Variants in TANGO6 observed in about 807,000 individuals in gnomAD.
The protein encoded by TANGO6 is transport and Golgi organization protein 6 homolog.
Under a neutral mutation model 114.2 loss-of-function variants are expected in TANGO6, and 90 were observed. The observed-to-expected ratio is 0.79, with a 90% CI of 0.66 to 0.94. The LOEUF (loss-of-function observed/expected upper bound fraction) is 0.94, where lower values mean the gene tolerates loss of function less well. Ranked by LOEUF, TANGO6 falls within the 40% of genes least tolerant of loss-of-function variation. The pLI is 0.00. For missense variants in TANGO6, 1,274 were observed against 1,315.3 expected (o/e 0.97, Z 0.49); for synonymous variants, 477 against 509.8 (o/e 0.94, Z 0.87).
chr16:68,881,733 G>T (rs1318313925), intron 7 of TANGO6, among the ~76,000 whole-genome samples: 1 of 152,084 alleles, frequency 6.6e-6, no homozygotes, highest in Non-Finnish European at 1.5e-5. Context: ...TGAAAACTAA[G>T]AATCTAAATG....
rs75098958 is a variant in TANGO6, at chr16:68,904,278, G to A, written c.1667+1774G>A. On this transcript the variant is annotated intron_variant, in intron 9 of 17. Coordinates refer to ENST00000261778, the MANE Select transcript of TANGO6 (RefSeq NM_024562.2). ...CGCGCCACCATGCCAGGCTAACGTC[G>A]TGTTGTTTTAGGAGTATTTGAATAC... 9.8e-4 allele frequency among the ~76,000 whole-genome samples: 149 copies of A among 152,168 alleles called. 4 individuals are homozygous for A. The East Asian group carries it at 0.025, about 26-fold the overall frequency.
chr16:68,895,156 G>A lies in TANGO6; in HGVS notation c.1378-5278G>A, dbSNP rs141919416. Among the ~76,000 whole-genome samples the A allele has an allele frequency of 4.5e-3, 678 of 152,270 alleles. 3 individuals are homozygous for A. Among genetic ancestry groups the A allele is most frequent in the South Asian group, 0.016 (78 of 4,824 alleles). ...TACCTGGCTCACTCTTGAGTGGAAT[G>A]CAGTACATGGTAGTTATTGTTTGCT... On this transcript the variant is annotated intron_variant, in intron 7 of 17. Transcript: ENST00000261778.
intron 11 of TANGO6, among the ~76,000 whole-genome samples, chr16:68,911,021 A>T (rs1962915846): frequency 6.6e-6 from 1 of 152,184 alleles, no homozygotes; most frequent in Admixed American, 6.6e-5. Flanking sequence ...AGATAAAGAA[A>T]ATAAGTTAAT....
In TANGO6 at chr16:68,880,650, A is replaced by G. The variant is rs746560176; in HGVS notation, c.1377+20A>G. 6.6e-7 allele frequency: 1 copy of G among 1,518,212 alleles called. No homozygotes were observed. The highest frequency in any genetic ancestry group is 1.3e-5 in the South Asian group (1 of 74,330). The allele number at this position is 1,518,212 out of a possible 1,614,324, so 94.0% of individuals were successfully genotyped here. ...TTTAAGGTTGGTAATCTGAGTCACT[A>G]ATGTTTTTATTTACTTCTTATTTAA... On this transcript the variant is annotated intron_variant, in intron 7 of 17. Transcript: ENST00000261778.
chr16:69,053,224 T>C (rs1182123235), intron 17 of TANGO6, among the ~76,000 whole-genome samples: 2 of 152,170 alleles, frequency 1.3e-5, no homozygotes, highest in Non-Finnish European at 2.9e-5. Flanking sequence ...TTCATTATTA[T>C]TATTATTATT....
chr16:68,857,858 T>G (rs940046224), intron 1 of TANGO6, among the ~76,000 whole-genome samples: 1 of 152,240 alleles, frequency 6.6e-6, no homozygotes, highest in Non-Finnish European at 1.5e-5. Context: ...TAAGTTTAGA[T>G]TAATGAGGGA....
intron 15 of TANGO6, among the ~76,000 whole-genome samples, chr16:69,017,655 C>A (rs1033047669): frequency 6.6e-6 from 1 of 152,130 alleles, no homozygotes; most frequent in Non-Finnish European, 1.5e-5. Flanking sequence ...CCAACTCACA[C>A]ACTTAGAAGT....
chr16:68,933,009 TATC>T (rs1446069650), intron 14 of TANGO6, among the ~76,000 whole-genome samples: 8 of 152,226 alleles, frequency 5.3e-5, no homozygotes, highest in Non-Finnish European at 1.0e-4. Context: ...TTAGTGTTGT[TATC>T]ATCATCAGAA....
In TANGO6 at chr16:68,974,104, C is replaced by T. The variant is rs1963737206; in HGVS notation, c.2778C>T (p.Asp926=). ...DLLAQYDSSK[D]KHTPETRMKV... is the part of the protein sequence containing the mutation. The stretch of plus-strand genomic sequence containing the variant: ...TGGCTCAATATGACAGCAGCAAAGA[C>T]AAGCACACACCAGAGACCAGAATGA... Residue 926 remains aspartate (D), a synonymous_variant, in exon 15 of 18, where the codon GAC becomes GAT. Transcript: ENST00000261778. 6.2e-7 allele frequency: 1 copy of T among 1,613,822 alleles called. No individual in the cohort carries two copies. The highest frequency in any genetic ancestry group is 1.1e-5 in the South Asian group (1 of 91,054).
intron 1 of TANGO6, among the ~76,000 whole-genome samples, chr16:68,854,763 A>G (rs1332091289): frequency 1.3e-5 from 2 of 151,984 alleles, no homozygotes; most frequent in Non-Finnish European, 2.9e-5. Flanking sequence ...CTGGGTTCCC[A>G]ATTCTGTTTT....
rs764025888 is a variant in TANGO6 at position 68,878,321 on chromosome 16, A to G, written c.1294+41A>G. Reference sequence around the variant, plus strand: ...TGGTGGCTGTGTGTGCCTCTAAAGGACCTTCTTCAGTATTTCACGTTGAAA... The same window carrying G: ...TGGTGGCTGTGTGTGCCTCTAAAGGGCCTTCTTCAGTATTTCACGTTGAAA... On this transcript the variant is annotated intron_variant, in intron 6 of 17. Coordinates refer to ENST00000261778, the MANE Select transcript of TANGO6 (RefSeq NM_024562.2). The G allele has an allele frequency of 8.4e-6, 13 of 1,552,626 alleles. No homozygotes were observed. The African/African-American group carries it at 1.7e-4, about 20-fold the overall frequency.
intron 17 of TANGO6, among the ~76,000 whole-genome samples, chr16:69,068,432 G>T (rs917170540): frequency 6.6e-6 from 1 of 152,158 alleles, no homozygotes; most frequent in East Asian, 1.9e-4. Context: ...TGTGAACCTG[G>T]GCAAATTGGA....
chr16:68,883,818 G>C (rs1215584478), intron 7 of TANGO6, among the ~76,000 whole-genome samples: 1 of 152,148 alleles, frequency 6.6e-6, no homozygotes, highest in Non-Finnish European at 1.5e-5. Flanking sequence ...TTTCAGATAA[G>C]AAGGCAGATG....
At chr16:68,986,062 C>G (rs1192680013) in intron 15 of TANGO6, among the ~76,000 whole-genome samples, 1 of 152,180 alleles carries the variant, frequency 6.6e-6, no homozygotes, top group Non-Finnish European at 1.5e-5. Flanking sequence ...GGAAGAGCAA[C>G]TCAGAGCTGG....
intron 15 of TANGO6, among the ~76,000 whole-genome samples, chr16:68,984,933 T>G (rs1349253650): frequency 6.6e-6 from 1 of 152,210 alleles, no homozygotes; most frequent in African/African-American, 2.4e-5. Context: ...TTTTTTTCTT[T>G]CTCAGAATTG....
chr16:68,863,258 C>G (rs1375743469), intron 3 of TANGO6, 197 bp downstream of exon 3: 6 of 385,730 alleles, frequency 1.6e-5, no homozygotes, highest in African/African-American at 4.2e-5. Flanking sequence ...GACCTTTTCT[C>G]TAATGAAATG....
At chr16:68,957,595 C>T (rs1963545601) in intron 14 of TANGO6, among the ~76,000 whole-genome samples, 2 of 151,854 alleles carry the variant, frequency 1.3e-5, no homozygotes, top group Admixed American at 6.6e-5. Context: ...GACTGGGTTT[C>T]ACCATGTTGG....
chr16:68,894,203 C>T (rs1247935081), intron 7 of TANGO6, among the ~76,000 whole-genome samples: 1 of 152,182 alleles, frequency 6.6e-6, no homozygotes, highest in Non-Finnish European at 1.5e-5. Context: ...TCTCATTTCC[C>T]TGAATAGGTT....
In TANGO6 at chr16:68,850,857, G is replaced by C. The variant is rs12596984; in HGVS notation, c.94+7146G>C. 2.0e-5 allele frequency among the ~76,000 whole-genome samples: 3 copies of C among 151,990 alleles called. No individual in the cohort carries two copies. The East Asian group carries it at 5.8e-4, about 29-fold the overall frequency. On this transcript the variant is annotated intron_variant, in intron 1 of 17. Transcript: ENST00000261778. ...CATAGAGCGCAGAATTTGGTTCATT[G>C]GTTCATTTGTTTGTTTTTCATTTTT...
Sources: allele counts gnomAD v4.1 joint callset (sites outside exome capture counted in the v4.1 genomes callset), GRCh38; gene constraint gnomAD v4.1.1; transcripts MANE v1.5; gene names NCBI Gene and HGNC (gene_info 2026-07-23, HGNC 2026-07-21).